The following ZDHHC7 variants were observed in gnomAD, a reference collection of about 807,000 sequenced individuals.
ZDHHC7 encodes the protein palmitoyltransferase ZDHHC7.
A neutral mutation model predicts 34.1 loss-of-function variants in ZDHHC7; 12 were observed. The observed-to-expected ratio is 0.35, with a 90% CI of 0.23 to 0.57. ZDHHC7 has a LOEUF of 0.57. Ranked by LOEUF, ZDHHC7 falls within the 20% of genes least tolerant of loss-of-function variation. ZDHHC7 has a pLI of 0.84. For synonymous variants in ZDHHC7, 185 were observed against 155.4 expected (o/e 1.19, Z -1.42); for missense variants, 388 against 402.7 (o/e 0.96, Z 0.31).
intron 1 of ZDHHC7, among the ~76,000 whole-genome samples, chr16:85,001,172 G>A (rs1597558464): frequency 6.6e-6 from 1 of 152,102 alleles, no homozygotes; most frequent in African/African-American, 2.4e-5. Context: ...AAACCAGATG[G>A]TTTAAAAGAT....
chr16:84,980,158 G>T (rs899492122), intron 4 of ZDHHC7, among the ~76,000 whole-genome samples: 1 of 150,926 alleles, frequency 6.6e-6, no homozygotes, highest in African/African-American at 2.4e-5. Flanking sequence ...TAGAGATGGG[G>T]GTTTCATCGT....
the ZDHHC7 span, among the ~76,000 whole-genome samples, chr16:85,024,235 T>TG: frequency 7.5e-4 from 111 of 147,468 alleles, no homozygotes; most frequent in Non-Finnish European, 1.4e-3. Context: ...TTTTTGTTTT[T>TG]TTTTTTTTTT....
At chr16:85,003,301 G>A (rs2072676213) in intron 1 of ZDHHC7, among the ~76,000 whole-genome samples, 1 of 152,188 alleles carries the variant, frequency 6.6e-6, no homozygotes, top group African/African-American at 2.4e-5. Context: ...TATGGGCCGT[G>A]CAAACGGGGC....
At chr16:84,979,061 A>G (rs1477117956) in intron 5 of ZDHHC7, 128 bp downstream of exon 5, 2 of 878,508 alleles carry the variant, frequency 2.3e-6, no homozygotes, top group African/African-American at 3.4e-5. Context: ...CAGTATTATA[A>G]TTTGAATCCT....
At chr16:85,004,678 C>T (rs936485539) in intron 1 of ZDHHC7, among the ~76,000 whole-genome samples, 1 of 145,514 alleles carries the variant, frequency 6.9e-6, no homozygotes, top group Non-Finnish European at 1.6e-5. Flanking sequence ...CCCAGCACTC[C>T]CGGGTTCACC....
Position 84,992,339 on chromosome 16 carries a change from CGCCTGT to C in ZDHHC7, c.-17-1710_-17-1705del, listed in dbSNP as rs1256184919. 8.9e-5 allele frequency among the ~76,000 whole-genome samples: 7 copies of C among 78,716 alleles called. No homozygotes were observed. In the East Asian group the frequency reaches 1.1e-3, roughly 12 times the overall value. 51.6% of individuals were successfully genotyped at this position (78,716 alleles called of 152,430 possible). A position where few individuals can be genotyped will look rare whatever the true frequency, so the allele number is the denominator to read the frequency against. On this transcript the variant is annotated intron_variant, in intron 2 of 7. Coordinates refer to ENST00000313732, the MANE Select transcript of ZDHHC7 (RefSeq NM_017740.3). ...AAAATTAGTCGGGCACAGTGGCAGGCGCCTGTACCTGTAATCCCAGCTACTCAGGAG... is the reference window on the plus strand; with the variant it reads ...AAAATTAGTCGGGCACAGTGGCAGGCACCTGTAATCCCAGCTACTCAGGAG...
chr16:85,011,818 C>G (rs1201905685), upstream of ZDHHC7, among the ~76,000 whole-genome samples: 1 of 152,162 alleles, frequency 6.6e-6, no homozygotes, highest in Non-Finnish European at 1.5e-5. Flanking sequence ...AGTGTGTACC[C>G]GCGCCCGCGG....
intron 1 of ZDHHC7, among the ~76,000 whole-genome samples, chr16:85,001,925 A>AC (rs1555515655): frequency 6.7e-6 from 1 of 148,584 alleles, no homozygotes; most frequent in Non-Finnish European, 1.5e-5. Context: ...AGGCAAAAAA[A>AC]ATAAATATAT....
chr16:85,001,213 G>A (rs182575348), intron 1 of ZDHHC7, among the ~76,000 whole-genome samples: 21 of 152,116 alleles, frequency 1.4e-4, no homozygotes, highest in East Asian at 1.9e-4. Flanking sequence ...CCTCATGCCC[G>A]TAATCCCAGC....
the ZDHHC7 span, among the ~76,000 whole-genome samples, chr16:85,021,050 A>T: frequency 1.3e-5 from 2 of 151,878 alleles, no homozygotes; most frequent in African/African-American, 4.8e-5. Context: ...GGCTGCAGTA[A>T]GCCGTGATCA....
chr16:84,980,574 G>A (rs1827409345), intron 4 of ZDHHC7, among the ~76,000 whole-genome samples: 1 of 152,160 alleles, frequency 6.6e-6, no homozygotes, highest in South Asian at 2.1e-4. Flanking sequence ...GGAGGCTGAG[G>A]CACAAGAATC....
At chr16:85,003,659 T>C (rs1016684058) in intron 1 of ZDHHC7, among the ~76,000 whole-genome samples, 1 of 152,170 alleles carries the variant, frequency 6.6e-6, no homozygotes, top group Non-Finnish European at 1.5e-5. Context: ...CTCAATGATA[T>C]GCTGGCACGT....
chr16:84,993,356 G>C (rs2143661079), intron 2 of ZDHHC7, among the ~76,000 whole-genome samples: 2 of 152,252 alleles, frequency 1.3e-5, no homozygotes, highest in South Asian at 4.2e-4. Flanking sequence ...TTAAGGCTGA[G>C]TGTGGTGGCT....
rs557475508 is a variant in ZDHHC7 at position 84,993,748 on chromosome 16, T to TTC, written c.-18+2172_-18+2173dup. On this transcript the variant is annotated intron_variant, in intron 2 of 7. Coordinates refer to ENST00000313732, the MANE Select transcript of ZDHHC7 (RefSeq NM_017740.3). ...TTTGGACAGACCCCTTAGCCAACCATTCCTTCAGCATTTTCTGAACCTACA... is the reference window on the plus strand; with the variant it reads ...TTTGGACAGACCCCTTAGCCAACCATTCTCCTTCAGCATTTTCTGAACCTACA... 9.8e-5 allele frequency among the ~76,000 whole-genome samples: 15 copies of TTC among 152,292 alleles called. No individual in the cohort carries two copies. In the East Asian group the frequency reaches 2.7e-3, roughly 27 times the overall value.
chr16:85,002,752 T>A (rs147928668), intron 1 of ZDHHC7, among the ~76,000 whole-genome samples: 1 of 152,116 alleles, frequency 6.6e-6, no homozygotes, highest in East Asian at 1.9e-4. Context: ...CAAAGCGGAA[T>A]GATCCTTCCT....
chr16:84,992,404 T>G (rs56282629), intron 2 of ZDHHC7, among the ~76,000 whole-genome samples: 5 of 149,796 alleles, frequency 3.3e-5, no homozygotes, highest in Admixed American at 2.7e-4. Context: ...ACCCGGGGGG[T>G]GGAGGTTGCA....
At chr16:85,020,789 T>A in the ZDHHC7 span, among the ~76,000 whole-genome samples, 3 of 152,130 alleles carry the variant, frequency 2.0e-5, no homozygotes, top group African/African-American at 7.2e-5. Context: ...ACTGAAGGAC[T>A]GGAGCACATT....
upstream of ZDHHC7, among the ~76,000 whole-genome samples, chr16:85,016,395 T>C (rs1246841890): frequency 1.3e-5 from 2 of 152,234 alleles, no homozygotes; most frequent in East Asian, 3.9e-4. Context: ...TAGTTACTGG[T>C]ATAGCTTGCG....
intron 3 of ZDHHC7, among the ~76,000 whole-genome samples, chr16:84,986,224 C>T (rs746845736): frequency 7.9e-5 from 12 of 152,168 alleles, no homozygotes; most frequent in Non-Finnish European, 1.3e-4. Context: ...TTCTTCCTAC[C>T]GTGCACATTT....
Sources: allele counts gnomAD v4.1 joint callset (sites outside exome capture counted in the v4.1 genomes callset), GRCh38; gene constraint gnomAD v4.1.1; transcripts MANE v1.5; gene names NCBI Gene and HGNC (gene_info 2026-07-23, HGNC 2026-07-21).